Variants in PPP1R14C observed in about 807,000 individuals in gnomAD.
The protein encoded by PPP1R14C is protein phosphatase 1 regulatory subunit 14C.
Under a neutral mutation model 20.4 loss-of-function variants are expected in PPP1R14C, and 16 were observed. The ratio of observed to expected loss-of-function variants is 0.78; its 90% CI spans 0.53 to 1.19. PPP1R14C has a LOEUF of 1.19. Among genes scored for constraint, PPP1R14C ranks in the 50% most tolerant of loss-of-function variants. PPP1R14C has a pLI of 0.00. For missense variants in PPP1R14C, 211 were observed against 220.1 expected (o/e 0.96, Z 0.26); for synonymous variants, 91 against 91.0 (o/e 1.00, Z 0.00).
chr6:150,240,400 G>A (rs555241069), intron 3 of PPP1R14C, among the ~76,000 whole-genome samples: 1 of 152,360 alleles, frequency 6.6e-6, no homozygotes, highest in East Asian at 1.9e-4. Flanking sequence ...TTGCTGAAAC[G>A]AAGGTACGCC....
intron 1 of PPP1R14C, among the ~76,000 whole-genome samples, chr6:150,152,860 A>G (rs1445167180): frequency 6.6e-6 from 1 of 152,188 alleles, no homozygotes; most frequent in Non-Finnish European, 1.5e-5. Flanking sequence ...CCCCAGATTC[A>G]TAGGTTGAAA....
chr6:150,201,866 G>A lies in PPP1R14C; in HGVS notation c.307-12878G>A, dbSNP rs993013698. Reference sequence around the variant, plus strand: ...TTATGGTGATGGATTGGATGGTGGCGACAGGGAGAGGAGGGGTCAGGAGTG... The same window carrying A: ...TTATGGTGATGGATTGGATGGTGGCAACAGGGAGAGGAGGGGTCAGGAGTG... On this transcript the variant is annotated intron_variant, in intron 1 of 3. Coordinates refer to ENST00000361131, the MANE Select transcript of PPP1R14C (RefSeq NM_030949.3). The surrounding 1 kb of genome is among the most constrained non-coding windows in gnomAD (Gnocchi z 4.2). Among the ~76,000 whole-genome samples the A allele has an allele frequency of 7.2e-5, 11 of 152,128 alleles. No individual in the cohort carries two copies. Among genetic ancestry groups the A allele is most frequent in the Non-Finnish European group, 1.0e-4 (7 of 68,016 alleles).
At chr6:150,162,646 T>G (rs1260586141) in intron 1 of PPP1R14C, among the ~76,000 whole-genome samples, 1 of 152,232 alleles carries the variant, frequency 6.6e-6, no homozygotes, top group Non-Finnish European at 1.5e-5. Context: ...AAGCCTGGTA[T>G]AAACACGTGT....
At chr6:150,181,521 C>T (rs978902470) in intron 1 of PPP1R14C, among the ~76,000 whole-genome samples, 2 of 152,150 alleles carry the variant, frequency 1.3e-5, no homozygotes, top group African/African-American at 4.8e-5. Context: ...TTTCTGCTGC[C>T]CTGTCTCTTC....
At chr6:150,236,613 CTGTGTG>C (rs142109127) in intron 3 of PPP1R14C, among the ~76,000 whole-genome samples, 2 of 144,506 alleles carry the variant, frequency 1.4e-5, no homozygotes, top group Admixed American at 6.8e-5. Flanking sequence ...GTTGGTGCCA[CTGTGTG>C]TGTGTGTGTG....
intron 3 of PPP1R14C, among the ~76,000 whole-genome samples, chr6:150,240,803 C>T (rs1778423301): frequency 6.6e-6 from 1 of 152,188 alleles, no homozygotes; most frequent in Non-Finnish European, 1.5e-5. Context: ...CTTAGTTTCC[C>T]TGCCTCCAGA....
intron 3 of PPP1R14C, among the ~76,000 whole-genome samples, chr6:150,231,579 A>G (rs890330210): frequency 6.6e-6 from 1 of 152,200 alleles, no homozygotes; most frequent in Admixed American, 6.5e-5. Flanking sequence ...CATTTGTACA[A>G]TCCTTTACTC....
At chr6:150,153,312 T>C (rs1185338719) in intron 1 of PPP1R14C, among the ~76,000 whole-genome samples, 2 of 152,278 alleles carry the variant, frequency 1.3e-5, no homozygotes, top group African/African-American at 4.8e-5. Context: ...CTTGAAGTTA[T>C]GGTTCTTTTT....
At chr6:150,159,551 G>T (rs1044616962) in intron 1 of PPP1R14C, among the ~76,000 whole-genome samples, 1 of 150,148 alleles carries the variant, frequency 6.7e-6, no homozygotes, top group East Asian at 1.9e-4. Context: ...CAGCCAGTGC[G>T]CTGTCCTTCT....
At chr6:150,159,379 C>A (rs571302602) in intron 1 of PPP1R14C, among the ~76,000 whole-genome samples, 19 of 152,348 alleles carry the variant, frequency 1.2e-4, no homozygotes, top group African/African-American at 4.6e-4. Flanking sequence ...TTAGCCACTG[C>A]TGTGTGGCTT....
intron 1 of PPP1R14C, among the ~76,000 whole-genome samples, chr6:150,163,188 G>A (rs1296636969): frequency 3.3e-5 from 5 of 152,162 alleles, no homozygotes; most frequent in Non-Finnish European, 7.3e-5. Context: ...TCAGGAGATC[G>A]AGACCATCCT....
At chr6:150,186,692 G>A (rs562739118) in intron 1 of PPP1R14C, among the ~76,000 whole-genome samples, 1 of 152,198 alleles carries the variant, frequency 6.6e-6, no homozygotes, top group Non-Finnish European at 1.5e-5. Flanking sequence ...CAGGGCCTGA[G>A]GCGGGGGATG....
At chr6:150,191,358 C>T (rs1487270175) in intron 1 of PPP1R14C, among the ~76,000 whole-genome samples, 1 of 152,220 alleles carries the variant, frequency 6.6e-6, no homozygotes, top group Non-Finnish European at 1.5e-5. Flanking sequence ...GCTCTATTCC[C>T]AGCATCTGGA....
At chr6:150,177,193 A>G (rs1364059659) in intron 1 of PPP1R14C, among the ~76,000 whole-genome samples, 1 of 152,210 alleles carries the variant, frequency 6.6e-6, no homozygotes, top group Non-Finnish European at 1.5e-5. Context: ...TCTTCCCTGC[A>G]CCGTGTGGCC....
chr6:150,164,933 C>A (rs1314969798), intron 1 of PPP1R14C, among the ~76,000 whole-genome samples: 2 of 152,228 alleles, frequency 1.3e-5, no homozygotes, highest in African/African-American at 4.8e-5. Flanking sequence ...AGAGAGCTCT[C>A]TTTCTCTGCA....
rs1022105313 is a variant in PPP1R14C, at chr6:150,205,595, C to A, written c.307-9149C>A. On this transcript the variant is annotated intron_variant, in intron 1 of 3. Coordinates refer to ENST00000361131, the MANE Select transcript of PPP1R14C (RefSeq NM_030949.3). ...ATCACTTGATGTCAGGAGTTTGAGA[C>A]AAGTCTGGCCAACATGGTGATACCC... Among the ~76,000 whole-genome samples the A allele has an allele frequency of 1.3e-5, 2 of 151,936 alleles. 1 individual carries two copies. The highest frequency in any genetic ancestry group is 2.9e-5 in the Non-Finnish European group (2 of 67,988).
chr6:150,235,159 C>T (rs1778343974), intron 3 of PPP1R14C, among the ~76,000 whole-genome samples: 1 of 152,200 alleles, frequency 6.6e-6, no homozygotes. Flanking sequence ...ACGATCATAG[C>T]TCACTGCAGC....
At chr6:150,184,173 C>G (rs977086568) in intron 1 of PPP1R14C, among the ~76,000 whole-genome samples, 1 of 152,160 alleles carries the variant, frequency 6.6e-6, no homozygotes, top group Non-Finnish European at 1.5e-5. Context: ...GCGTGGAGAA[C>G]GAGTATCCCA....
chr6:150,194,824 G>A (rs1269950052), intron 1 of PPP1R14C: 3 of 985,264 alleles, frequency 3.0e-6, no homozygotes, highest in Middle Eastern at 1.0e-3. Flanking sequence ...ATCTCAGTGA[G>A]TACCGGGGAA....
Sources: gnomAD v4.1 joint callset for allele counts (sites outside exome capture counted in the v4.1 genomes callset) on GRCh38, gnomAD v4.1.1 for gene constraint, Gnocchi (gnomAD v3.1) non-coding constraint, MANE v1.5 for transcripts, NCBI Gene and HGNC (gene_info 2026-07-23, HGNC 2026-07-21) for gene names.